Variants in THEMIS observed in about 807,000 individuals in gnomAD.
The protein encoded by THEMIS is thymocyte selection associated.
A neutral mutation model predicts 52.6 loss-of-function variants in THEMIS; 37 were observed. The ratio of observed to expected loss-of-function variants is 0.70; its 90% CI spans 0.54 to 0.93. The LOEUF (loss-of-function observed/expected upper bound fraction) is 0.93, where lower values mean the gene tolerates loss of function less well. Ranked by LOEUF, THEMIS falls within the 40% of genes least tolerant of loss-of-function variation. THEMIS has a pLI of 0.00. For missense variants in THEMIS, 808 were observed against 763.1 expected (o/e 1.06, Z -0.69); for synonymous variants, 292 against 272.7 (o/e 1.07, Z -0.70).
At chr6:127,840,989 G>A (rs1779029687) in intron 2 of THEMIS, among the ~76,000 whole-genome samples, 1 of 152,026 alleles carries the variant, frequency 6.6e-6, no homozygotes, top group Non-Finnish European at 1.5e-5. Flanking sequence ...TTTTAGGGTG[G>A]TGAAACTATT....
chr6:127,709,838 G>A lies in THEMIS; in HGVS notation c.*147C>T, dbSNP rs1583184996. The A allele has an allele frequency of 9.0e-6, 6 of 669,362 alleles. No homozygotes were observed. In the South Asian group the frequency reaches 9.1e-5, roughly 10 times the overall value. 41.5% of individuals were successfully genotyped at this position (669,362 alleles called of 1,614,324 possible). A position where few individuals can be genotyped will look rare whatever the true frequency, so the allele number is the denominator to read the frequency against. ...TTTCTGTAAGTTTTATCTGTTAAAA[G>A]TTTTAAGGTTGTTCTTTCCTTTGCA... On this transcript the variant is annotated 3_prime_UTR_variant, in exon 6 of 6. Transcript: ENST00000368248.
intron 4 of THEMIS, among the ~76,000 whole-genome samples, chr6:127,730,486 AAG>A (rs1774753075): frequency 6.6e-6 from 1 of 151,286 alleles, no homozygotes; most frequent in Admixed American, 6.6e-5. Flanking sequence ...AGAAAGAAGA[AAG>A]AAAGAAAGAA....
intron 4 of THEMIS, among the ~76,000 whole-genome samples, chr6:127,751,267 C>G (rs961787654): frequency 4.6e-5 from 7 of 151,670 alleles, no homozygotes; most frequent in Non-Finnish European, 8.9e-5. Context: ...TGTGATCAAA[C>G]TTCGTTGTTA....
At chr6:127,811,134 A>G (rs1316662279) in intron 4 of THEMIS, among the ~76,000 whole-genome samples, 1 of 152,216 alleles carries the variant, frequency 6.6e-6, no homozygotes, top group Non-Finnish European at 1.5e-5. Flanking sequence ...TTGACTGTCT[A>G]TGGTTTTTAA....
intron 1 of THEMIS, among the ~76,000 whole-genome samples, chr6:127,861,873 T>C (rs1779814496): frequency 6.6e-6 from 1 of 151,470 alleles, no homozygotes; most frequent in South Asian, 2.1e-4. Flanking sequence ...AAATTTTTAA[T>C]AAGACATTTG....
intron 1 of THEMIS, among the ~76,000 whole-genome samples, chr6:127,858,653 A>C (rs1779696771): frequency 6.6e-6 from 1 of 152,146 alleles, no homozygotes; most frequent in South Asian, 2.1e-4. Flanking sequence ...TTTTAAAAAA[A>C]TTGCTGAGAT....
chr6:127,884,086 A>G (rs1037772231), intron 1 of THEMIS, among the ~76,000 whole-genome samples: 2 of 152,082 alleles, frequency 1.3e-5, no homozygotes, highest in Non-Finnish European at 2.9e-5. Flanking sequence ...CATTCTCTCA[A>G]TCTGGTGCTC....
At chr6:127,806,085 T>C (rs1233046997) in intron 4 of THEMIS, among the ~76,000 whole-genome samples, 2 of 152,106 alleles carry the variant, frequency 1.3e-5, no homozygotes, top group African/African-American at 2.4e-5. Context: ...TTATAGGAAA[T>C]TGGCAATTCA....
chr6:127,895,655 T>C lies in THEMIS; in HGVS notation c.91+5187A>G, dbSNP rs539837417. Among the ~76,000 whole-genome samples, 8 of 151,652 alleles carry C rather than the reference T, an allele frequency of 5.3e-5. No homozygotes were observed. The South Asian group carries it at 1.4e-3, about 27-fold the overall frequency. On this transcript the variant is annotated intron_variant, in intron 1 of 5. Transcript: ENST00000368248. ...ATTATGTAGAAGATATTTTATTCTCTTGTTTAAATGAGAGATAAACTATGC... is the reference window on the plus strand; with the variant it reads ...ATTATGTAGAAGATATTTTATTCTCCTGTTTAAATGAGAGATAAACTATGC...
chr6:127,735,838 G>T (rs114391632), intron 4 of THEMIS, among the ~76,000 whole-genome samples: 2,261 of 152,282 alleles, frequency 0.015, 70 homozygotes, highest in African/African-American at 0.052. Context: ...GATGATCAAT[G>T]ATTCTTCCAA....
chr6:127,886,924 G>T (rs1177439987), intron 1 of THEMIS, among the ~76,000 whole-genome samples: 1 of 151,926 alleles, frequency 6.6e-6, no homozygotes, highest in Admixed American at 6.6e-5. Context: ...TCATCTTGGG[G>T]ACCCCCAACA....
At chr6:127,825,747 G>A (rs1263652180) in intron 3 of THEMIS, among the ~76,000 whole-genome samples, 2 of 152,082 alleles carry the variant, frequency 1.3e-5, no homozygotes, top group Non-Finnish European at 2.9e-5. Context: ...AATACATTCA[G>A]GAAAATAAAT....
At chr6:127,774,535 C>T (rs1414282010) in intron 4 of THEMIS, among the ~76,000 whole-genome samples, 1 of 152,158 alleles carries the variant, frequency 6.6e-6, no homozygotes, top group Non-Finnish European at 1.5e-5. Flanking sequence ...ACGGCTTACA[C>T]CAGAAACTGG....
At chr6:127,747,059 A>T (rs58537180) in intron 4 of THEMIS, among the ~76,000 whole-genome samples, 9 of 118,306 alleles carry the variant, frequency 7.6e-5, no homozygotes, top group African/African-American at 3.1e-4. Flanking sequence ...TAATTATATT[A>T]TATATAATTG....
chr6:127,801,396 G>A (rs1333089225), intron 4 of THEMIS, among the ~76,000 whole-genome samples: 1 of 152,094 alleles, frequency 6.6e-6, no homozygotes, highest in African/African-American at 2.4e-5. Context: ...ATAGACACAA[G>A]CTCTTATCAT....
At chr6:127,889,151 T>C (rs1204109253) in intron 1 of THEMIS, among the ~76,000 whole-genome samples, 2 of 152,142 alleles carry the variant, frequency 1.3e-5, no homozygotes, top group Non-Finnish European at 2.9e-5. Context: ...TGACATAGTC[T>C]ACCATGATGA....
chr6:127,910,829 G>A (rs1050531241), intron 1 of THEMIS, among the ~76,000 whole-genome samples: 2 of 152,072 alleles, frequency 1.3e-5, no homozygotes, highest in African/African-American at 2.4e-5. Flanking sequence ...AATTTTATTA[G>A]ATTTTGCTAA....
At chr6:127,782,475 G>A (rs1776778875) in intron 4 of THEMIS, among the ~76,000 whole-genome samples, 1 of 152,170 alleles carries the variant, frequency 6.6e-6, no homozygotes. Flanking sequence ...AAGACCATGG[G>A]AAAAGCATAG....
At chr6:127,745,118 G>A (rs1358992684) in intron 4 of THEMIS, among the ~76,000 whole-genome samples, 1 of 151,878 alleles carries the variant, frequency 6.6e-6, no homozygotes, top group Non-Finnish European at 1.5e-5. Context: ...TCTCTTTAAT[G>A]CCACAAAACA....
Sources: allele counts gnomAD v4.1 joint callset (sites outside exome capture counted in the v4.1 genomes callset), GRCh38; gene constraint gnomAD v4.1.1; transcripts MANE v1.5; gene names NCBI Gene and HGNC (gene_info 2026-07-23, HGNC 2026-07-21).